The following HDGFL3 variants were observed in gnomAD, a reference collection of about 807,000 sequenced individuals.
HDGFL3 encodes the protein HDGF like 3, also known as hepatoma-derived growth factor-related protein 3.
A neutral mutation model predicts 27.6 loss-of-function variants in HDGFL3; 6 were observed. The ratio of observed to expected loss-of-function variants is 0.22; its 90% confidence interval spans 0.12 to 0.43. The LOEUF (loss-of-function observed/expected upper bound fraction) is 0.43. Ranked by LOEUF, HDGFL3 falls within the 20% of genes least tolerant of loss-of-function variation. The pLI, the probability that HDGFL3 is intolerant of heterozygous loss-of-function variation, is 1.00. For synonymous variants in HDGFL3, 88 were observed against 88.9 expected (o/e 0.99, Z 0.05); for missense variants, 207 against 250.1 (o/e 0.83, Z 1.16).
In HDGFL3 at chr15:83,139,854, C is replaced by T. The variant is rs181338260; in HGVS notation, c.607-579G>A. On this transcript the variant is annotated intron_variant, in intron 5 of 5. Coordinates refer to ENST00000299633, the MANE Select transcript of HDGFL3 (RefSeq NM_016073.4). ...TTTCTTTTAAAATTTAGATGGCATC[C>T]GTGTGACAAACAGAAAATAAAACAT... Among the ~76,000 whole-genome samples the T allele has an allele frequency of 3.6e-4, 54 of 152,062 alleles. No homozygotes were observed. In the Middle Eastern group the frequency reaches 0.014, roughly 38 times the overall value.
intron 1 of HDGFL3, among the ~76,000 whole-genome samples, chr15:83,166,067 A>G (rs983943100): frequency 2.0e-5 from 3 of 152,146 alleles, no homozygotes; most frequent in African/African-American, 7.2e-5. Flanking sequence ...AAATCTTAGT[A>G]AAGAAATAGA....
At chr15:83,201,053 T>A (rs1490463079) in intron 1 of HDGFL3, among the ~76,000 whole-genome samples, 3 of 152,086 alleles carry the variant, frequency 2.0e-5, no homozygotes, top group Non-Finnish European at 4.4e-5. Flanking sequence ...GGTCAACCCA[T>A]TCCCCCTTTT....
At chr15:83,162,388 A>C (rs143427588) in intron 2 of HDGFL3, among the ~76,000 whole-genome samples, 29 of 152,266 alleles carry the variant, frequency 1.9e-4, no homozygotes, top group African/African-American at 6.0e-4. Flanking sequence ...AAACCAGCAA[A>C]AAAATCACAT....
In HDGFL3 at chr15:83,151,238, C is replaced by A; in HGVS notation, c.583G>T (p.Asp195Tyr). ...AGNDTRNTTSDLQKTSEGT is the reference protein window; with the variant it reads ...AGNDTRNTTSYLQKTSEGT ...ACCCCTTCACTGGTTTTCTGCAAGT[C>A]TGAAGTTGTGTTTCTTGTGTCGTTG... Residue 195 changes from aspartate to tyrosine, a missense_variant, in exon 5 of 6, where the codon GAC (aspartate) becomes TAC (tyrosine). Coordinates refer to ENST00000299633, the MANE Select transcript of HDGFL3 (RefSeq NM_016073.4). The A allele has an allele frequency of 6.2e-7, 1 of 1,612,848 alleles. No homozygotes were observed.
At chr15:83,180,353 C>T (rs1273526847) in intron 1 of HDGFL3, among the ~76,000 whole-genome samples, 2 of 151,818 alleles carry the variant, frequency 1.3e-5, no homozygotes, top group African/African-American at 2.4e-5. Context: ...TCTGAGCATG[C>T]CAATGAGAAG....
rs1215689089 is a variant in HDGFL3 at position 83,131,954 on chromosome 15, TG to T, written c.*7315del. 2 of 152,078 alleles carry T rather than the reference TG, an allele frequency of 1.3e-5. No individual in the cohort carries two copies. Among genetic ancestry groups the T allele is most frequent in the Non-Finnish European group, 2.9e-5 (2 of 67,998 alleles). 9.4% of individuals were successfully genotyped at this position (152,078 alleles called of 1,614,324 possible). ...TTCTCTGCTAAAATATCAATGAAAA[TG>T]AAAAAAAGCCAAAGCCAGTAGAGTT... On this transcript the variant is annotated 3_prime_UTR_variant, in exon 6 of 6. Coordinates refer to ENST00000299633, the MANE Select transcript of HDGFL3 (RefSeq NM_016073.4).
At position 83,178,158 on chromosome 15, in the gene HDGFL3, T is replaced by C. The variant is rs564699991; in HGVS notation, c.85-14083A>G. The stretch of plus-strand genomic sequence containing the variant: ...CAGTCCGAAAACACACAATGAAATA[T>C]TAAAATTGCTGAAGTTGGCTCAGTT... On this transcript the variant is annotated intron_variant, in intron 1 of 5. Transcript: ENST00000299633. 1.2e-4 allele frequency among the ~76,000 whole-genome samples: 19 copies of C among 152,366 alleles called. No homozygotes were observed. In the East Asian group the frequency reaches 1.3e-3, roughly 11 times the overall value.
At chr15:83,124,846 G>C (rs2035588054), downstream of HDGFL3, 1 of 1,328,232 alleles carries the variant, frequency 7.5e-7, no homozygotes. Context: ...AAAAAACTTA[G>C]AAATATGTTT....
At chr15:83,116,508 C>T (rs2034672323) in intron 3 of HDGFL3, among the ~76,000 whole-genome samples, 1 of 152,196 alleles carries the variant, frequency 6.6e-6, no homozygotes, top group South Asian at 2.1e-4. Context: ...AGGAAAAGGG[C>T]TCAAAGCAGA....
intron 1 of HDGFL3, among the ~76,000 whole-genome samples, chr15:83,191,183 G>T (rs1040174207): frequency 2.6e-5 from 4 of 152,036 alleles, no homozygotes; most frequent in African/African-American, 9.7e-5. Context: ...GAACAATTCT[G>T]TGTGTTGATA....
intron 4 of HDGFL3, among the ~76,000 whole-genome samples, chr15:83,153,624 A>C (rs1351251509): frequency 6.6e-6 from 1 of 151,968 alleles, no homozygotes. Context: ...TATGTGTTTG[A>C]TTTTTGCTAT....
intron 1 of HDGFL3, among the ~76,000 whole-genome samples, chr15:83,174,875 C>A (rs1382123247): frequency 6.6e-6 from 1 of 152,186 alleles, no homozygotes; most frequent in South Asian, 2.1e-4. Flanking sequence ...GCAGAGGTTG[C>A]AAATTGGTGG....
intron 1 of HDGFL3, among the ~76,000 whole-genome samples, chr15:83,165,414 C>T (rs2037157194): frequency 6.6e-6 from 1 of 152,108 alleles, no homozygotes; most frequent in African/African-American, 2.4e-5. Flanking sequence ...CTAGCACATA[C>T]CAGTTGCTTA....
downstream of HDGFL3, chr15:83,126,770 C>A (rs1310511260): frequency 1.2e-6 from 2 of 1,612,674 alleles, no homozygotes; most frequent in African/African-American, 1.3e-5. Context: ...TTTGGATTGC[C>A]CATCTGAGCT....
chr15:83,158,164 C>A, intron 2 of HDGFL3, 123 bp from the exon 3 acceptor site: 1 of 772,944 alleles, frequency 1.3e-6, no homozygotes, highest in Non-Finnish European at 2.0e-6. Context: ...TACATATAAA[C>A]CCTTCAAGTT....
At chr15:83,191,215 A>T (rs1343176529) in intron 1 of HDGFL3, among the ~76,000 whole-genome samples, 1 of 152,136 alleles carries the variant, frequency 6.6e-6, no homozygotes, top group Non-Finnish European at 1.5e-5. Context: ...AAGTCTCACC[A>T]CCTTATTCTC....
intron 2 of HDGFL3, among the ~76,000 whole-genome samples, chr15:83,160,531 C>T (rs981457431): frequency 1.4e-5 from 2 of 141,538 alleles, no homozygotes; most frequent in Non-Finnish European, 3.0e-5. Flanking sequence ...TGGTATTTAC[C>T]GAAATGGAAA....
At chr15:83,200,962 GA>G (rs1050481672) in intron 1 of HDGFL3, among the ~76,000 whole-genome samples, 42 of 147,600 alleles carry the variant, frequency 2.8e-4, no homozygotes, top group Non-Finnish European at 4.3e-4. Context: ...AAAGAAGACA[GA>G]AAAAAATAAT....
At chr15:83,185,198 A>G (rs575899523) in intron 1 of HDGFL3, 1 of 152,232 alleles carries the variant, frequency 6.6e-6, no homozygotes, top group African/African-American at 2.4e-5. Context: ...TAACTTTTGT[A>G]TTTTTAGTAG....
Sources: gnomAD v4.1 joint callset for allele counts (sites outside exome capture counted in the v4.1 genomes callset) on GRCh38, gnomAD v4.1.1 for gene constraint, MANE v1.5 for transcripts, NCBI Gene and HGNC (gene_info 2026-07-23, HGNC 2026-07-21) for gene names.